ATP2C2: variants seen among roughly 807,000 people sequenced by gnomAD.
ATP2C2 encodes the protein calcium-transporting ATPase type 2C member 2.
In ATP2C2, 171 loss-of-function variants were observed where a neutral mutation model predicts 110.8. That is an observed-to-expected ratio of 1.54 (90% CI 1.36 to 1.75). The LOEUF is 1.75. ATP2C2 is among the 40% of genes most tolerant of loss of function. The probability of loss-of-function intolerance (pLI) is 0.00; values close to 1 mark genes in which losing one functional copy is unlikely to be tolerated. For synonymous variants in ATP2C2, 804 were observed against 508.4 expected (o/e 1.58, Z -7.82); for missense variants, 1,963 against 1,235.0 (o/e 1.59, Z -8.84).
chr16:84,462,812 T>G (rs3743659), intron 26 of ATP2C2: 1 of 152,626 alleles, frequency 6.6e-6, no homozygotes, highest in East Asian at 1.9e-4. Flanking sequence ...GCAGCCCCCA[T>G]GGGCCCACCG....
At chr16:84,439,051 G>A in intron 11 of ATP2C2, 115 bp from the exon 12 acceptor site, 1 of 1,459,064 alleles carries the variant, frequency 6.9e-7, no homozygotes, top group Non-Finnish European at 9.3e-7. Context: ...ACTAGAACCA[G>A]GACACTGGGG....
chr16:84,368,843 A>G (rs915682076), intron 1 of ATP2C2, 129 bp downstream of exon 1: 30 of 816,912 alleles, frequency 3.7e-5, no homozygotes, highest in Non-Finnish European at 5.3e-5. Context: ...CTGGCTCTGG[A>G]AAGAAGCTGT....
At chr16:84,370,382 C>T (rs1479829297) in intron 1 of ATP2C2, among the ~76,000 whole-genome samples, 1 of 152,188 alleles carries the variant, frequency 6.6e-6, no homozygotes, top group Non-Finnish European at 1.5e-5. Context: ...AGCACTGACA[C>T]CAAAGGCCAG....
At chr16:84,431,454 C>A (rs1908268479) in intron 11 of ATP2C2, among the ~76,000 whole-genome samples, 1 of 151,978 alleles carries the variant, frequency 6.6e-6, no homozygotes, top group Non-Finnish European at 1.5e-5. Flanking sequence ...CGACATCTCA[C>A]CACTGCACCC....
chr16:84,449,584 G>A (rs1490782459), intron 17 of ATP2C2, among the ~76,000 whole-genome samples: 2 of 152,174 alleles, frequency 1.3e-5, no homozygotes, highest in Non-Finnish European at 2.9e-5. Flanking sequence ...CCTGAGCCTT[G>A]ACTCTGTTTC....
intron 15 of ATP2C2, 59 bp from the exon 16 acceptor site, chr16:84,446,270 C>T: frequency 3.0e-6 from 3 of 1,003,632 alleles, no homozygotes; most frequent in Non-Finnish European, 4.4e-6. Context: ...ATGGACTGAG[C>T]TTTGTATAGA....
intron 14 of ATP2C2, 66 bp from the exon 15 acceptor site, chr16:84,442,444 C>G (rs1381239771): frequency 4.7e-6 from 7 of 1,487,338 alleles, no homozygotes; most frequent in Non-Finnish European, 5.6e-6. Flanking sequence ...ATGGGACAGG[C>G]CCACAATGTC....
chr16:84,422,560 G>T, intron 8 of ATP2C2, 21 bp downstream of exon 8: 1 of 1,612,542 alleles, frequency 6.2e-7, no homozygotes, highest in Non-Finnish European at 8.5e-7. Flanking sequence ...GGACACCGAG[G>T]CCTTGGGCTC....
At chr16:84,373,257 T>C (rs1252937893) in intron 1 of ATP2C2, among the ~76,000 whole-genome samples, 1 of 152,222 alleles carries the variant, frequency 6.6e-6, no homozygotes, top group African/African-American at 2.4e-5. Flanking sequence ...CCCAGCACTT[T>C]GGAAAGCCGA....
At chr16:84,382,406 C>A (rs72804647) in intron 1 of ATP2C2, among the ~76,000 whole-genome samples, 11,101 of 152,240 alleles carry the variant, frequency 0.073, 502 homozygotes, top group Middle Eastern at 0.11. Context: ...CAAATACATT[C>A]TTCACAGAAA....
In ATP2C2 at chr16:84,459,376, C is replaced by G. The variant is rs1014159142; in HGVS notation, c.2323C>G (p.Pro775Ala). The change falls in exon 23 of 27, where the codon CCG (proline) becomes GCG (alanine). Residue 775 changes from proline (P) to alanine (A), a missense_variant. Physicochemically the swap from Pro to Ala is conservative, Grantham distance 27 (BLOSUM62 -1). Transcript: ENST00000262429. ...LWINIIMDGP[P>A]AQSLGVEPVD... ...GATCAACATCATCATGGATGGGCCA[C>G]CGGCGCAGAGGTGAGGCAGGGCCGG... The G allele has an allele frequency of 4.3e-6, 7 of 1,614,132 alleles. No individual in the cohort carries two copies. Among genetic ancestry groups the G allele is most frequent in the Non-Finnish European group, 5.9e-6 (7 of 1,179,974 alleles).
chr16:84,421,775 A>C (rs1274318872), intron 7 of ATP2C2, among the ~76,000 whole-genome samples: 1 of 152,208 alleles, frequency 6.6e-6, no homozygotes, highest in Non-Finnish European at 1.5e-5. Flanking sequence ...TCCATGCTTC[A>C]GTTTCCCCAT....
intron 1 of ATP2C2, among the ~76,000 whole-genome samples, chr16:84,393,775 C>T (rs996913915): frequency 3.3e-5 from 5 of 151,538 alleles, no homozygotes; most frequent in East Asian, 1.9e-4. Flanking sequence ...GGGCTGTGAC[C>T]GACACAGGTG....
chr16:84,405,058 G>A, intron 2 of ATP2C2, 70 bp from the exon 3 acceptor site: 2 of 1,276,208 alleles, frequency 1.6e-6, no homozygotes, highest in Middle Eastern at 1.8e-4. Flanking sequence ...TTCAGAGTGG[G>A]AGTCTGTACC....
intron 11 of ATP2C2, among the ~76,000 whole-genome samples, chr16:84,434,910 G>C (rs1908604301): frequency 6.6e-6 from 1 of 152,208 alleles, no homozygotes; most frequent in Non-Finnish European, 1.5e-5. Context: ...CATATGGGAT[G>C]AAAGTCCCCG....
intron 21 of ATP2C2, 68 bp from the exon 22 acceptor site, chr16:84,459,052 C>G (rs1356945846): frequency 1.9e-6 from 3 of 1,553,098 alleles, no homozygotes; most frequent in Non-Finnish European, 1.8e-6. Context: ...CCCCTTGCAG[C>G]AACCGATGCA....
rs201787876 is a variant in ATP2C2, at chr16:84,462,088, C to A, written c.2681C>A (p.Pro894Gln). 2 of 1,614,024 alleles carry A rather than the reference C, an allele frequency of 1.2e-6. No homozygotes were observed. The highest frequency in any genetic ancestry group is 1.7e-5 in the Admixed American group (1 of 60,016). ...CAGCTGGCGGTCATTTACATCCCCC[C>A]GCTGCAGAGGGTCTTCCAGACGGAG... ...LGQLAVIYIP[P>Q]LQRVFQTENL... Residue 894 changes from proline (P) to glutamine (Q), a missense_variant, in exon 26 of 27, where the codon CCG becomes CAG. Coordinates refer to ENST00000262429, the MANE Select transcript of ATP2C2 (RefSeq NM_014861.4).
chr16:84,403,617 T>C (rs1119141), intron 2 of ATP2C2, among the ~76,000 whole-genome samples: 55,351 of 152,118 alleles, frequency 0.36, 11,693 homozygotes, highest in Non-Finnish European at 0.49. Context: ...CTTAACCATT[T>C]TGAAGTGTAC....
rs935542073 is a variant in ATP2C2 at position 84,381,643 on chromosome 16, C to T, written c.99+12929C>T. ...ATAAGTGTCTTTTCCCTCATAGATT[C>T]ATGCTGGGCACACTATTCTGCCCAC... On this transcript the variant is annotated intron_variant, in intron 1 of 26. Transcript: ENST00000262429. 1.1e-4 allele frequency among the ~76,000 whole-genome samples: 16 copies of T among 152,252 alleles called. No individual in the cohort carries two copies. The East Asian group carries it at 2.9e-3, about 28-fold the overall frequency.
Sources: gnomAD v4.1 joint callset for allele counts (sites outside exome capture counted in the v4.1 genomes callset) on GRCh38, gnomAD v4.1.1 for gene constraint, MANE v1.5 for transcripts, NCBI Gene and HGNC (gene_info 2026-07-23, HGNC 2026-07-21) for gene names.